EPHA7: variants seen among roughly 807,000 people sequenced by gnomAD.
The protein encoded by EPHA7 is EPH receptor A7.
A neutral mutation model predicts 112.6 loss-of-function variants in EPHA7; 25 were observed. The observed-to-expected ratio is 0.22, with a 90% CI of 0.16 to 0.31. EPHA7 has a LOEUF of 0.31. Ranked by LOEUF, EPHA7 falls within the 10% of genes least tolerant of loss-of-function variation. EPHA7 has a pLI of 1.00. For synonymous variants in EPHA7, 437 were observed against 406.5 expected, an observed-to-expected ratio of 1.07 and a Z score of -0.90; for missense variants, 962 against 1,212.6, an observed-to-expected ratio of 0.79 and a Z score of 3.07.
At chr6:93,343,589 T>C (rs1775245807) in intron 5 of EPHA7, among the ~76,000 whole-genome samples, 1 of 151,784 alleles carries the variant, frequency 6.6e-6, no homozygotes, top group Middle Eastern at 3.4e-3. Context: ...AGACATTGCT[T>C]TTTGCGTTCC....
Position 93,395,215 on chromosome 6 carries a change from TA to T in EPHA7, c.832+15285del, listed in dbSNP as rs1018501053. Among the ~76,000 whole-genome samples, 25 of 151,900 alleles carry T rather than the reference TA, an allele frequency of 1.6e-4. 1 individual carries two copies. The highest frequency in any genetic ancestry group is 1.6e-3 in the Admixed American group (24 of 15,180). On this transcript the variant is annotated intron_variant, in intron 3 of 16. Coordinates refer to ENST00000369303, the MANE Select transcript of EPHA7 (RefSeq NM_004440.4). ...TAGACAATGCTTTAAAAATGGTTTT[TA>T]AAAAAGCCTTTTTGACTTGATCTCT...
intron 5 of EPHA7, among the ~76,000 whole-genome samples, chr6:93,306,074 A>C (rs1284879268): frequency 1.3e-5 from 2 of 152,010 alleles, no homozygotes; most frequent in Non-Finnish European, 2.9e-5. Flanking sequence ...TTTATGCAAG[A>C]ATCATACTTA....
At position 93,242,066 on chromosome 6, in the gene EPHA7, T is replaced by C. The variant is rs1769711573; in HGVS notation, c.*1360A>G. On this transcript the variant is annotated 3_prime_UTR_variant, in exon 17 of 17. Transcript: ENST00000369303. ...TTTTGAAAGCATTAATCACAATATG[T>C]ATACATTCCTGCAATATCTATAAAG... The C allele has an allele frequency of 5.0e-6, 1 of 201,514 alleles. No homozygotes were observed. Among genetic ancestry groups the C allele is most frequent in the Admixed American group, 6.0e-5 (1 of 16,628 alleles). 12.5% of individuals were successfully genotyped at this position (201,514 alleles called of 1,614,324 possible). A position where few individuals can be genotyped will look rare whatever the true frequency, so the allele number is the denominator to read the frequency against.
chr6:93,362,413 TAAATAATATTTTTAATTTAAAA>T (rs1776306345), intron 3 of EPHA7, among the ~76,000 whole-genome samples: 1 of 152,128 alleles, frequency 6.6e-6, no homozygotes, highest in Admixed American at 6.5e-5. Flanking sequence ...AAAGTTGATT[TAAATAATATTTTTAATTTAAAA>T]TTTTTAACAA....
At chr6:93,369,754 C>A (rs1263594433) in intron 3 of EPHA7, among the ~76,000 whole-genome samples, 1 of 152,144 alleles carries the variant, frequency 6.6e-6, no homozygotes, top group African/African-American at 2.4e-5. Flanking sequence ...AGCACAATGT[C>A]CAGCACATAG....
intron 5 of EPHA7, among the ~76,000 whole-genome samples, chr6:93,355,234 T>TCCCGATA (rs900420175): frequency 6.6e-6 from 1 of 152,154 alleles, no homozygotes; most frequent in African/African-American, 2.4e-5. Context: ...ATGTTTTACC[T>TCCCGATA]CCCGATATCT....
chr6:93,381,298 T>TA (rs1459722340), intron 3 of EPHA7, among the ~76,000 whole-genome samples: 4 of 152,314 alleles, frequency 2.6e-5, no homozygotes, highest in Non-Finnish European at 5.9e-5. Flanking sequence ...AGTTACTGTA[T>TA]AATTAAGTGA....
intron 3 of EPHA7, among the ~76,000 whole-genome samples, chr6:93,371,483 T>A (rs1776794798): frequency 6.6e-6 from 1 of 152,004 alleles, no homozygotes; most frequent in Admixed American, 6.6e-5. Context: ...TCCAAGGGGA[T>A]CCTGTAACTC....
At chr6:93,337,463 C>A (rs955227939) in intron 5 of EPHA7, among the ~76,000 whole-genome samples, 1 of 152,094 alleles carries the variant, frequency 6.6e-6, no homozygotes, top group Admixed American at 6.6e-5. Context: ...AACATAAAAT[C>A]AGTTTGGGCA....
intron 3 of EPHA7, among the ~76,000 whole-genome samples, chr6:93,370,485 G>A (rs1166210721): frequency 3.3e-5 from 5 of 152,072 alleles, no homozygotes; most frequent in Non-Finnish European, 5.9e-5. Context: ...TTGGAAAACA[G>A]AAATATCACT....
chr6:93,279,905 C>T (rs1771648656), intron 5 of EPHA7, among the ~76,000 whole-genome samples: 2 of 152,068 alleles, frequency 1.3e-5, no homozygotes, highest in Admixed American at 6.6e-5. Flanking sequence ...TTTAAAAGTA[C>T]GCTAGCATTA....
intron 5 of EPHA7, among the ~76,000 whole-genome samples, chr6:93,274,793 G>A (rs1001806055): frequency 6.6e-6 from 1 of 151,922 alleles, no homozygotes; most frequent in African/African-American, 2.4e-5. Flanking sequence ...TACAGGAAAC[G>A]TGATTATATT....
chr6:93,267,226 A>C (rs559727928), intron 7 of EPHA7, among the ~76,000 whole-genome samples: 1 of 151,850 alleles, frequency 6.6e-6, no homozygotes, highest in East Asian at 1.9e-4. Flanking sequence ...CTGGGATGGA[A>C]AATTTTGAGA....
intron 5 of EPHA7, among the ~76,000 whole-genome samples, chr6:93,275,585 T>A (rs1771432402): frequency 7.6e-6 from 1 of 132,256 alleles, no homozygotes; most frequent in African/African-American, 2.8e-5. Flanking sequence ...ATATTTGGAA[T>A]CTTCACAAAT....
At chr6:93,363,170 AG>A (rs1197376404) in intron 3 of EPHA7, among the ~76,000 whole-genome samples, 1 of 152,156 alleles carries the variant, frequency 6.6e-6, no homozygotes, top group Non-Finnish European at 1.5e-5. Flanking sequence ...AATCATTATT[AG>A]GGCCTAGACA....
chr6:93,277,704 A>G (rs1413620416), intron 5 of EPHA7, among the ~76,000 whole-genome samples: 1 of 152,034 alleles, frequency 6.6e-6, no homozygotes, highest in Non-Finnish European at 1.5e-5. Flanking sequence ...TTGCATTGCT[A>G]TCTACTTAAC....
chr6:93,382,670 G>A (rs1007552634), intron 3 of EPHA7, among the ~76,000 whole-genome samples: 3 of 151,884 alleles, frequency 2.0e-5, no homozygotes, highest in African/African-American at 7.3e-5. Context: ...TTTACTGAAC[G>A]AGGTTTTTTC....
rs981441222 is a variant in EPHA7, at chr6:93,377,075, G to A, written c.833-18664C>T. 5.3e-5 allele frequency among the ~76,000 whole-genome samples: 8 copies of A among 152,244 alleles called. No homozygotes were observed. The East Asian group carries it at 5.8e-4, about 11-fold the overall frequency. On this transcript the variant is annotated intron_variant, in intron 3 of 16. Coordinates refer to ENST00000369303, the MANE Select transcript of EPHA7 (RefSeq NM_004440.4). ...ATGGAATATAATTTCTAACTCTCCA[G>A]TGCAATAGTTTTCAAATGAAGGTGA...
rs1344823703 is a variant in EPHA7, at chr6:93,241,779, T to G, written c.*1647A>C. 1 of 219,600 alleles carries G rather than the reference T, an allele frequency of 4.6e-6. No individual in the cohort carries two copies. The highest frequency in any genetic ancestry group is 2.2e-5 in the African/African-American group (1 of 44,540). 13.6% of individuals were successfully genotyped at this position (219,600 alleles called of 1,614,324 possible). A position where few individuals can be genotyped will look rare whatever the true frequency, so the allele number is the denominator to read the frequency against. ...AAGTAAAATAGAAAAATATAGTGCATTTTCAATGTATTCAGAGCCCACTAC... is the reference window on the plus strand; with the variant it reads ...AAGTAAAATAGAAAAATATAGTGCAGTTTCAATGTATTCAGAGCCCACTAC... On this transcript the variant is annotated 3_prime_UTR_variant, in exon 17 of 17. Transcript: ENST00000369303.
Sources: gnomAD v4.1 joint callset for allele counts (sites outside exome capture counted in the v4.1 genomes callset) on GRCh38, gnomAD v4.1.1 for gene constraint, MANE v1.5 for transcripts, NCBI Gene and HGNC (gene_info 2026-07-23, HGNC 2026-07-21) for gene names.